ADAMTS2: variants seen among roughly 807,000 people sequenced by gnomAD.
The protein encoded by ADAMTS2 is ADAM metallopeptidase with thrombospondin type 1 motif 2.
Under a neutral mutation model 123.0 loss-of-function variants are expected in ADAMTS2, and 50 were observed. The observed-to-expected ratio is 0.41, with a 90% CI of 0.32 to 0.51. ADAMTS2 has a LOEUF of 0.51. Among genes scored for constraint, ADAMTS2 ranks in the 20% least tolerant of loss-of-function variants. The pLI, the probability that ADAMTS2 is intolerant of heterozygous loss-of-function variation, is 0.35. For missense variants in ADAMTS2, 1,494 were observed against 1,705.2 expected (o/e 0.88, Z 2.18); for synonymous variants, 678 against 695.4 (o/e 0.98, Z 0.39).
chr5:179,266,844 GA>G (rs1439331103), intron 3 of ADAMTS2, among the ~76,000 whole-genome samples: 3 of 152,208 alleles, frequency 2.0e-5, no homozygotes, highest in Non-Finnish European at 4.4e-5. Flanking sequence ...CCACTGAATG[GA>G]TGAGTCTCGC....
rs541551864 is a variant in ADAMTS2, at chr5:179,285,154, C to T, written c.535-12090G>A. 1.3e-4 allele frequency among the ~76,000 whole-genome samples: 20 copies of T among 152,240 alleles called. No homozygotes were observed. The highest frequency in any genetic ancestry group is 4.6e-4 in the African/African-American group (19 of 41,534). The stretch of plus-strand genomic sequence containing the variant: ...ATGGCATGACAGCTGTTAGGAAACG[C>T]GTAACAAAGGGTCAGCAGTGTTACG... On this transcript the variant is annotated intron_variant, in intron 2 of 21. Transcript: ENST00000251582. The surrounding 1 kb of genome is among the most constrained non-coding windows in gnomAD (Gnocchi z 4.9).
chr5:179,187,858 T>C (rs1317173742), intron 4 of ADAMTS2, among the ~76,000 whole-genome samples: 2 of 152,250 alleles, frequency 1.3e-5, no homozygotes, highest in East Asian at 3.8e-4. Context: ...CTTTTGCTTA[T>C]GCAAAGATGC....
chr5:179,134,431 C>T (rs1201721973), intron 13 of ADAMTS2, among the ~76,000 whole-genome samples: 1 of 152,156 alleles, frequency 6.6e-6, no homozygotes, highest in East Asian at 1.9e-4. Context: ...TACCAGGCTA[C>T]TGGGGACCAC....
intron 3 of ADAMTS2, among the ~76,000 whole-genome samples, chr5:179,218,682 G>A (rs893732215): frequency 1.3e-4 from 20 of 152,330 alleles, no homozygotes; most frequent in Middle Eastern, 6.8e-3. Flanking sequence ...CATCAGGAGC[G>A]CATCAGGAAC....
Position 179,312,136 on chromosome 5 carries a change from G to A in ADAMTS2, c.534+31631C>T, listed in dbSNP as rs780714400. ...AAAAATGGCCCCCGAAGACACGTCC[G>A]GGTCCCAATCCCTGGAACCCATAAA... On this transcript the variant is annotated intron_variant, in intron 2 of 21. Transcript: ENST00000251582. This position sits in a 1 kb window ranked among gnomAD's most constrained non-coding sequence, Gnocchi z 4.2. Among the ~76,000 whole-genome samples, 2 of 152,140 alleles carry A rather than the reference G, an allele frequency of 1.3e-5. No individual in the cohort carries two copies. Among genetic ancestry groups the A allele is most frequent in the African/African-American group, 2.4e-5 (1 of 41,414 alleles).
intron 10 of ADAMTS2, among the ~76,000 whole-genome samples, chr5:179,140,799 C>CTTTGTTTTTTTTTTT (rs1763150184): frequency 1.1e-5 from 1 of 90,464 alleles, no homozygotes; most frequent in African/African-American, 4.4e-5. Flanking sequence ...ACTGCATGCT[C>CTTTGTTTTTTTTTTT]TTTTTTTTTT....
At position 179,256,633 on chromosome 5, in the gene ADAMTS2, A is replaced by G. The variant is rs542473365; in HGVS notation, c.688+16278T>C. Among the ~76,000 whole-genome samples the G allele has an allele frequency of 2.6e-4, 40 of 152,182 alleles. No individual in the cohort carries two copies. The highest frequency in any genetic ancestry group is 5.1e-4 in the Non-Finnish European group (35 of 68,038). On this transcript the variant is annotated intron_variant, in intron 3 of 21. Coordinates refer to ENST00000251582, the MANE Select transcript of ADAMTS2 (RefSeq NM_014244.5). The surrounding 1 kb of genome is among the most constrained non-coding windows in gnomAD (Gnocchi z 4.1). The stretch of plus-strand genomic sequence containing the variant: ...CACTGCAAACCAGGCAGGCGGGGCC[A>G]GCATGAGTGGGGGGGCCAGGCACGA...
In ADAMTS2 at chr5:179,123,141, A is replaced by C. The variant is rs533327971; in HGVS notation, c.2959-368T>G. On this transcript the variant is annotated intron_variant, in intron 19 of 21. Transcript: ENST00000251582. ...GCAGGGGTTGAGGTGGGGCACTGGG[A>C]AAGCTCTGACCCAGCCTAGGAGGCG... Among the ~76,000 whole-genome samples the C allele has an allele frequency of 5.9e-5, 9 of 152,326 alleles. No homozygotes were observed. The South Asian group carries it at 1.9e-3, about 32-fold the overall frequency.
rs1449032531 is a variant in ADAMTS2, at chr5:179,332,982, T to A, written c.534+10785A>T. Among the ~76,000 whole-genome samples, 1 of 152,074 alleles carries A rather than the reference T, an allele frequency of 6.6e-6. No individual in the cohort carries two copies. Among genetic ancestry groups the A allele is most frequent in the East Asian group, 1.9e-4 (1 of 5,172 alleles). On this transcript the variant is annotated intron_variant, in intron 2 of 21. Transcript: ENST00000251582. The surrounding 1 kb of genome is among the most constrained non-coding windows in gnomAD (Gnocchi z 4.2). The stretch of plus-strand genomic sequence containing the variant: ...ACTGCCCTGGGAGCCCTCACCCCCT[T>A]ATCCTGCCCGCTTGCCTGTGAGGAC...
intron 3 of ADAMTS2, among the ~76,000 whole-genome samples, chr5:179,268,535 G>A (rs993638997): frequency 1.3e-5 from 2 of 152,236 alleles, no homozygotes; most frequent in African/African-American, 2.4e-5. Flanking sequence ...AGAGTCCCAA[G>A]GTCAGTCTCT....
chr5:179,333,953 A>G (rs340418), intron 2 of ADAMTS2, among the ~76,000 whole-genome samples: 17,449 of 152,102 alleles, frequency 0.11, 1,177 homozygotes, highest in East Asian at 0.22. Context: ...CTAGAAGCAC[A>G]TGGGATAACA....
chr5:179,295,336 A>G (rs1756298516), intron 2 of ADAMTS2, among the ~76,000 whole-genome samples: 1 of 152,182 alleles, frequency 6.6e-6, no homozygotes, highest in Admixed American at 6.5e-5. Context: ...CCCTGGGTGA[A>G]GGGGGGCACC....
chr5:179,143,472 G>A (rs893658434), intron 10 of ADAMTS2, among the ~76,000 whole-genome samples: 15 of 151,512 alleles, frequency 9.9e-5, no homozygotes, highest in Admixed American at 1.3e-4. Flanking sequence ...AAATTCTGGA[G>A]TTGAATGGTA....
At chr5:179,195,639 C>A (rs1764412212) in intron 4 of ADAMTS2, among the ~76,000 whole-genome samples, 1 of 152,254 alleles carries the variant, frequency 6.6e-6, no homozygotes, top group Non-Finnish European at 1.5e-5. Flanking sequence ...CCACCACTCC[C>A]AACAGCCTTC....
At chr5:179,157,196 C>T (rs1482830996) in intron 6 of ADAMTS2, among the ~76,000 whole-genome samples, 4 of 152,074 alleles carry the variant, frequency 2.6e-5, no homozygotes, top group African/African-American at 9.7e-5. Flanking sequence ...GTGATCCGCC[C>T]GCCTTGGCCT....
chr5:179,295,140 T>C (rs1356941918), intron 2 of ADAMTS2, among the ~76,000 whole-genome samples: 2 of 152,182 alleles, frequency 1.3e-5, no homozygotes, highest in African/African-American at 2.4e-5. Context: ...GCTGAATAAA[T>C]AGATTCTGGA....
chr5:179,131,120 G>A (rs1305456151), intron 15 of ADAMTS2, among the ~76,000 whole-genome samples: 2 of 151,874 alleles, frequency 1.3e-5, no homozygotes, highest in Admixed American at 6.6e-5. Flanking sequence ...AGACCATCCT[G>A]GCTAACACGG....
At chr5:179,297,133 A>T (rs1170045827) in intron 2 of ADAMTS2, among the ~76,000 whole-genome samples, 3 of 152,158 alleles carry the variant, frequency 2.0e-5, no homozygotes, top group African/African-American at 7.2e-5. Flanking sequence ...GTGGCTCAAC[A>T]GCCCTGTCAA....
At position 179,234,870 on chromosome 5, in the gene ADAMTS2, T is replaced by C. The variant is rs1765488883; in HGVS notation, c.689-27155A>G. ...AGCTTGCCCCCATTAAAATCCTCTG[T>C]ACCTCCCTCTTCCCAAGCCTAGCAG... On this transcript the variant is annotated intron_variant, in intron 3 of 21. Transcript: ENST00000251582. This position sits in a 1 kb window ranked among gnomAD's most constrained non-coding sequence, Gnocchi z 4.7. 6.6e-6 allele frequency among the ~76,000 whole-genome samples: 1 copy of C among 152,176 alleles called. No individual in the cohort carries two copies. Among genetic ancestry groups the C allele is most frequent in the Non-Finnish European group, 1.5e-5 (1 of 68,032 alleles).
Sources: gnomAD v4.1 joint callset for allele counts (sites outside exome capture counted in the v4.1 genomes callset) on GRCh38, gnomAD v4.1.1 for gene constraint, Gnocchi (gnomAD v3.1) non-coding constraint, MANE v1.5 for transcripts, NCBI Gene and HGNC (gene_info 2026-07-23, HGNC 2026-07-21) for gene names.